The following AGBL4 variants were observed in gnomAD, a reference collection of about 807,000 sequenced individuals.
The protein encoded by AGBL4 is cytosolic carboxypeptidase 6.
In AGBL4, 58 loss-of-function variants were observed where a neutral mutation model predicts 66.4. The observed-to-expected ratio is 0.87, with a 90% CI of 0.71 to 1.09. The LOEUF is 1.09. AGBL4 is among the 50% of genes least tolerant of loss of function. The pLI is 0.00. For missense variants in AGBL4, 579 were observed against 631.0 expected, an observed-to-expected ratio of 0.92 and a Z score of 0.88; for synonymous variants, 234 against 222.9, an observed-to-expected ratio of 1.05 and a Z score of -0.44.
chr1:49,052,238 C>T (rs1307124922), intron 4 of AGBL4, among the ~76,000 whole-genome samples: 1 of 152,064 alleles, frequency 6.6e-6, no homozygotes, highest in African/African-American at 2.4e-5. Flanking sequence ...TGATTATTCC[C>T]CCTGGTCATG....
chr1:49,719,352 G>A (rs995903564), intron 2 of AGBL4, among the ~76,000 whole-genome samples: 7 of 152,108 alleles, frequency 4.6e-5, no homozygotes, highest in Admixed American at 6.6e-5. Flanking sequence ...GTTCACCTAC[G>A]TGAGAGAAAT....
chr1:49,950,128 G>GTA (rs1373382793), intron 1 of AGBL4, among the ~76,000 whole-genome samples: 6 of 133,586 alleles, frequency 4.5e-5, no homozygotes, highest in South Asian at 2.3e-4. Flanking sequence ...ACACATATGT[G>GTA]TATATATATA....
chr1:48,630,150 A>T (rs986413748), intron 9 of AGBL4, among the ~76,000 whole-genome samples: 8 of 152,218 alleles, frequency 5.3e-5, no homozygotes, highest in African/African-American at 1.9e-4. Context: ...TCTCAGATCA[A>T]CGGTAGTCCT....
intron 1 of AGBL4, among the ~76,000 whole-genome samples, chr1:49,874,303 T>C (rs1341906378): frequency 2.0e-5 from 3 of 152,030 alleles, no homozygotes; most frequent in Non-Finnish European, 4.4e-5. Context: ...TAAGATGAGA[T>C]ATAAAAAGTC....
chr1:49,658,215 C>T (rs1456883972), intron 3 of AGBL4, among the ~76,000 whole-genome samples: 1 of 152,162 alleles, frequency 6.6e-6, no homozygotes, highest in African/African-American at 2.4e-5. Context: ...ACAGACACTT[C>T]TCAAAAGAAG....
At chr1:48,614,011 G>T (rs1197131407) in intron 9 of AGBL4, among the ~76,000 whole-genome samples, 1 of 152,178 alleles carries the variant, frequency 6.6e-6, no homozygotes, top group East Asian at 1.9e-4. Flanking sequence ...AATAATTAGA[G>T]AAAGAGTTGG....
intron 3 of AGBL4, among the ~76,000 whole-genome samples, chr1:49,520,467 GAGTT>G (rs1486456876): frequency 1.6e-4 from 25 of 152,066 alleles, no homozygotes; most frequent in Non-Finnish European, 2.9e-4. Flanking sequence ...GATATGATGA[GAGTT>G]AGAACTCAAA....
chr1:49,106,245 G>T (rs1048858776), intron 4 of AGBL4, among the ~76,000 whole-genome samples: 1 of 152,148 alleles, frequency 6.6e-6, no homozygotes, highest in African/African-American at 2.4e-5. Context: ...TTTACCAAAA[G>T]GGTTTTACCT....
intron 3 of AGBL4, among the ~76,000 whole-genome samples, chr1:49,304,883 T>G (rs1644821722): frequency 1.3e-5 from 2 of 152,200 alleles, no homozygotes; most frequent in Non-Finnish European, 2.9e-5. Flanking sequence ...ATATGTATGT[T>G]ATCTTTGTTG....
At chr1:49,780,155 T>C (rs1644301033) in intron 2 of AGBL4, among the ~76,000 whole-genome samples, 2 of 152,056 alleles carry the variant, frequency 1.3e-5, no homozygotes, top group Admixed American at 6.5e-5. Flanking sequence ...CACCAGACAA[T>C]AATCTGAATC....
intron 6 of AGBL4, among the ~76,000 whole-genome samples, chr1:48,846,362 G>GAAAGAAGAAAGA (rs1553243606): frequency 8.4e-6 from 1 of 118,594 alleles, no homozygotes; most frequent in Non-Finnish European, 1.8e-5. Flanking sequence ...GAGAAAGAAA[G>GAAAGAAGAAAGA]AAGAAAGAAA....
intron 2 of AGBL4, among the ~76,000 whole-genome samples, chr1:49,746,419 T>C (rs566002605): frequency 6.6e-6 from 1 of 152,186 alleles, no homozygotes; most frequent in Non-Finnish European, 1.5e-5. Flanking sequence ...TCTGCATAAG[T>C]GGTCTACTTT....
intron 4 of AGBL4, among the ~76,000 whole-genome samples, chr1:49,071,074 G>C (rs1644593999): frequency 6.6e-6 from 1 of 151,858 alleles, no homozygotes; most frequent in African/African-American, 2.4e-5. Flanking sequence ...GTATTTCTGT[G>C]GGATTGGTGG....
At chr1:48,605,527 A>G (rs1645141869) in intron 9 of AGBL4, among the ~76,000 whole-genome samples, 1 of 152,050 alleles carries the variant, frequency 6.6e-6, no homozygotes. Flanking sequence ...CTTCACGTCT[A>G]TTGTCACTCA....
intron 2 of AGBL4, among the ~76,000 whole-genome samples, chr1:49,799,509 G>T (rs532535481): frequency 1.3e-5 from 2 of 152,152 alleles, no homozygotes; most frequent in African/African-American, 2.4e-5. Context: ...ATTAATGTCT[G>T]GGCTGTAGAA....
intron 4 of AGBL4, among the ~76,000 whole-genome samples, chr1:49,159,222 A>C (rs1234897949): frequency 6.6e-6 from 1 of 151,852 alleles, no homozygotes; most frequent in Non-Finnish European, 1.5e-5. Flanking sequence ...TTCCATATTT[A>C]GTGCTTCCTT....
At chr1:49,787,184 A>C (rs1644474913) in intron 2 of AGBL4, among the ~76,000 whole-genome samples, 1 of 152,124 alleles carries the variant, frequency 6.6e-6, no homozygotes, top group Admixed American at 6.5e-5. Context: ...TCACGTGATA[A>C]ACTACAACTC....
intron 3 of AGBL4, among the ~76,000 whole-genome samples, chr1:49,444,915 T>C (rs1182934901): frequency 6.6e-6 from 1 of 152,084 alleles, no homozygotes; most frequent in African/African-American, 2.4e-5. Context: ...CTTTCTCTTC[T>C]TCCTTTGTGT....
At position 49,597,056 on chromosome 1, in the gene AGBL4, A is replaced by G. The variant is rs368602228; in HGVS notation, c.282+100257T>C. On this transcript the variant is annotated intron_variant, in intron 3 of 13. Coordinates refer to ENST00000371839, the MANE Select transcript of AGBL4 (RefSeq NM_032785.4). The stretch of plus-strand genomic sequence containing the variant: ...CCTAGACTGAAGTCATTATTTATTA[A>G]GTACATATTAGGCACAAATTACTAC... 1.4e-3 allele frequency among the ~76,000 whole-genome samples: 211 copies of G among 152,360 alleles called. 1 individual carries two copies. The highest frequency in any genetic ancestry group is 4.8e-3 in the African/African-American group (198 of 41,598).
Sources: gnomAD v4.1 joint callset for allele counts (sites outside exome capture counted in the v4.1 genomes callset) on GRCh38, gnomAD v4.1.1 for gene constraint, MANE v1.5 for transcripts, NCBI Gene and HGNC (gene_info 2026-07-23, HGNC 2026-07-21) for gene names.